Variants in POLQ observed in about 807,000 individuals in gnomAD.
POLQ encodes the protein DNA polymerase theta.
POLQ carries 233 observed loss-of-function variants against 259.2 expected under a neutral mutation model. The ratio of observed to expected loss-of-function variants is 0.90; its 90% CI spans 0.81 to 1.00. The LOEUF (loss-of-function observed/expected upper bound fraction) is 1.00. POLQ is among the 50% of genes least tolerant of loss of function. The pLI, the probability that POLQ is intolerant of heterozygous loss-of-function variation, is 0.00. For synonymous variants in POLQ, 1,025 were observed against 1,048.8 expected, an observed-to-expected ratio of 0.98 and a Z score of 0.44; for missense variants, 2,871 against 3,051.6, an observed-to-expected ratio of 0.94 and a Z score of 1.39.
intron 24 of POLQ, among the ~76,000 whole-genome samples, chr3:121,464,077 A>G (rs182865076): frequency 1.4e-4 from 21 of 152,360 alleles, no homozygotes; most frequent in Admixed American, 6.5e-4. Context: ...TTTGCCAAGT[A>G]TTCAGTAATC....
chr3:121,488,346 G>A lies in POLQ; in HGVS notation c.4585C>T (p.Gln1529Ter). Residue 1529 changes from glutamine to a stop codon, truncating the protein, a stop_gained, in exon 16 of 30, where the codon CAA (glutamine) becomes TAA (stop). Coordinates refer to ENST00000264233, the MANE Select transcript of POLQ (RefSeq NM_199420.4). LOFTEE classifies it high-confidence loss of function. ...SNHFSDSLCLQEDLIKKSNVN... is the reference protein window; with the variant it reads ...SNHFSDSLCL ...TTTGATTTTTTAATTAGGTCTTCTT[G>A]TAGACACAGAGAATCACTAAAATGG... is the stretch of plus-strand genomic sequence containing the variant. 6.2e-7 allele frequency: 1 copy of A among 1,612,840 alleles called. No individual in the cohort carries two copies. Among genetic ancestry groups the A allele is most frequent in the Non-Finnish European group, 8.5e-7 (1 of 1,179,112 alleles).
At chr3:121,439,026 A>G (rs2047566478) in intron 27 of POLQ, among the ~76,000 whole-genome samples, 1 of 152,214 alleles carries the variant, frequency 6.6e-6, no homozygotes. Flanking sequence ...GAAGGGCAAA[A>G]AACATCTAGT....
intron 5 of POLQ, among the ~76,000 whole-genome samples, chr3:121,534,977 G>A (rs955886836): frequency 6.6e-6 from 1 of 152,126 alleles, no homozygotes; most frequent in African/African-American, 2.4e-5. Context: ...AAAACTTTTT[G>A]ATAAATGTTC....
intron 19 of POLQ, among the ~76,000 whole-genome samples, chr3:121,479,362 A>ATGTCTGTG (rs1553807821): frequency 1.4e-5 from 2 of 142,654 alleles, no homozygotes; most frequent in East Asian, 4.1e-4. Flanking sequence ...AAAAAAAAAA[A>ATGTCTGTG]TGTGTGTGTG....
intron 14 of POLQ, among the ~76,000 whole-genome samples, chr3:121,496,052 T>C (rs1428180364): frequency 1.3e-5 from 2 of 152,050 alleles, no homozygotes; most frequent in African/African-American, 2.4e-5. Flanking sequence ...AATTTCTCGT[T>C]TGCTTAGGGT....
chr3:121,472,817 C>G (rs2047896469), intron 21 of POLQ, among the ~76,000 whole-genome samples: 1 of 152,178 alleles, frequency 6.6e-6, no homozygotes, highest in Admixed American at 6.5e-5. Flanking sequence ...TATTTTTCCC[C>G]TGAAACATCT....
At chr3:121,480,532 G>T (rs1419174879) in intron 19 of POLQ, among the ~76,000 whole-genome samples, 1 of 151,430 alleles carries the variant, frequency 6.6e-6, no homozygotes, top group East Asian at 1.9e-4. Context: ...TGTGGTCCAG[G>T]CTGGTCTCAA....
chr3:121,432,178 T>C lies in POLQ; in HGVS notation c.*126A>G. On this transcript the variant is annotated 3_prime_UTR_variant, in exon 30 of 30. Transcript: ENST00000264233. ...TAGTTTGAAACTCTCACTATAAAAT[T>C]ACTAGGCTAAGTCTATCAAGACTTG... is the stretch of plus-strand genomic sequence containing the variant. 5 of 853,794 alleles carry C rather than the reference T, an allele frequency of 5.9e-6. No individual in the cohort carries two copies. The highest frequency in any genetic ancestry group is 8.5e-6 in the Non-Finnish European group (5 of 585,384). 52.9% of individuals were successfully genotyped at this position (853,794 alleles called of 1,614,324 possible).
chr3:121,441,073 T>C (rs1230794460), intron 26 of POLQ, among the ~76,000 whole-genome samples: 3 of 152,156 alleles, frequency 2.0e-5, no homozygotes, highest in East Asian at 3.8e-4. Context: ...ATGTAATCAA[T>C]AGCATGGGAA....
chr3:121,498,337 A>G, intron 13 of POLQ, 140 bp downstream of exon 13: 3 of 551,812 alleles, frequency 5.4e-6, no homozygotes, highest in Non-Finnish European at 9.2e-6. Flanking sequence ...AGAAAATGAA[A>G]AAAAAGAAAA....
At chr3:121,456,517 T>C (rs917568294) in intron 25 of POLQ, among the ~76,000 whole-genome samples, 3 of 152,212 alleles carry the variant, frequency 2.0e-5, no homozygotes, top group Non-Finnish European at 2.9e-5. Context: ...CTTAAGCTCA[T>C]GAGCAACTTC....
intron 9 of POLQ, among the ~76,000 whole-genome samples, chr3:121,515,279 C>G (rs958574175): frequency 2.6e-5 from 4 of 152,204 alleles, no homozygotes; most frequent in African/African-American, 9.6e-5. Context: ...CCTTCCATCT[C>G]AGCCTCCCAA....
chr3:121,490,453 G>C lies in POLQ; in HGVS notation c.2523-45C>G, dbSNP rs367642752. 3.4e-4 allele frequency: 487 copies of C among 1,440,992 alleles called. 1 individual carries two copies. The highest frequency in any genetic ancestry group is 4.6e-4 in the Non-Finnish European group (477 of 1,029,556). The allele number at this position is 1,440,992 out of a possible 1,614,324, so 89.3% of individuals were successfully genotyped here. ...AAGACAGAAATGAATTCATTCATTC[G>C]TAAGGCAAGTATTTATTAAACATGC... On this transcript the variant is annotated intron_variant, in intron 15 of 29. Coordinates refer to ENST00000264233, the MANE Select transcript of POLQ (RefSeq NM_199420.4).
rs748850996 is a variant in POLQ at position 121,522,284 on chromosome 3, C to CTT, written c.1109-137_1109-136dup. 158 of 56,308 alleles carry CTT rather than the reference C, an allele frequency of 2.8e-3. 44 individuals are homozygous for CTT. The highest frequency in any genetic ancestry group is 0.013 in the Middle Eastern group (1 of 76). 3.5% of individuals were successfully genotyped at this position (56,308 alleles called of 1,614,324 possible). A position where few individuals can be genotyped will look rare whatever the true frequency, so the allele number is the denominator to read the frequency against. ...GCATACTATATAATCCCCTGGAGAT[C>CTT]TTTTTTTTTTTTTTTTTTTTTTTTT... On this transcript the variant is annotated intron_variant, in intron 7 of 29. Coordinates refer to ENST00000264233, the MANE Select transcript of POLQ (RefSeq NM_199420.4).
intron 25 of POLQ, among the ~76,000 whole-genome samples, chr3:121,450,284 CA>C (rs1355838059): frequency 6.6e-6 from 1 of 151,954 alleles, no homozygotes; most frequent in East Asian, 1.9e-4. Flanking sequence ...ATCAGAATTC[CA>C]AAAAAACTTT....
At chr3:121,502,577 G>T (rs1008767508) in intron 12 of POLQ, among the ~76,000 whole-genome samples, 14 of 152,110 alleles carry the variant, frequency 9.2e-5, no homozygotes, top group African/African-American at 3.4e-4. Context: ...TCAGCCCACA[G>T]GAGGCAGGTG....
chr3:121,450,739 A>ATTGGTGAATTGAATTC, intron 25 of POLQ, among the ~76,000 whole-genome samples: 1 of 151,892 alleles, frequency 6.6e-6, no homozygotes, highest in South Asian at 2.1e-4. Flanking sequence ...CTTCATTTCA[A>ATTGGTGAATTGAATTC]CTTTGGTGAA....
chr3:121,433,896 G>T (rs147025569), intron 28 of POLQ, among the ~76,000 whole-genome samples: 1,900 of 152,318 alleles, frequency 0.012, 19 homozygotes, highest in South Asian at 0.02. Context: ...CCCTCAGGGA[G>T]AGAGTTCTTC....
At position 121,495,806 on chromosome 3, in the gene POLQ, G is replaced by A. The variant is rs1212614028; in HGVS notation, c.2278+1002C>T. ...AGAGCTTTCAGTGAGCCGAGATGGC[G>A]CCACTGCACTCCAGCCTGGGAGACA... On this transcript the variant is annotated intron_variant, in intron 14 of 29. Coordinates refer to ENST00000264233, the MANE Select transcript of POLQ (RefSeq NM_199420.4). Among the ~76,000 whole-genome samples, 24 of 131,092 alleles carry A rather than the reference G, an allele frequency of 1.8e-4. No individual in the cohort carries two copies. The South Asian group carries it at 3.7e-3, about 20-fold the overall frequency. 86.0% of individuals were successfully genotyped at this position (131,092 alleles called of 152,430 possible).
Sources: allele counts gnomAD v4.1 joint callset (sites outside exome capture counted in the v4.1 genomes callset), GRCh38; gene constraint gnomAD v4.1.1; transcripts MANE v1.5; gene names NCBI Gene and HGNC (gene_info 2026-07-23, HGNC 2026-07-21).